GRM5: variants seen among roughly 807,000 people sequenced by gnomAD.
The protein encoded by GRM5 is glutamate metabotropic receptor 5, also known as metabotropic glutamate receptor 5.
Under a neutral mutation model 83.1 loss-of-function variants are expected in GRM5, and 19 were observed. The observed-to-expected ratio is 0.23, with a 90% CI of 0.16 to 0.34. GRM5 has a LOEUF of 0.34. GRM5 is among the 10% of genes least tolerant of loss of function. GRM5 has a pLI of 1.00. For missense variants in GRM5, 1,160 were observed against 1,588.3 expected, an observed-to-expected ratio of 0.73 and a Z score of 4.58; for synonymous variants, 675 against 633.6, an observed-to-expected ratio of 1.07 and a Z score of -0.98.
intron 2 of GRM5, among the ~76,000 whole-genome samples, chr11:88,900,278 A>G (rs1441879630): frequency 3.3e-5 from 5 of 152,284 alleles, no homozygotes; most frequent in East Asian, 1.9e-4. Context: ...TCTGCTTTCT[A>G]ACATTAGTTG....
intron 3 of GRM5, 85 bp from the exon 4 acceptor site, chr11:88,653,488 G>C: frequency 1.2e-6 from 1 of 822,178 alleles, no homozygotes; most frequent in Non-Finnish European, 2.0e-6. Context: ...GACAAGATTA[G>C]TCATTAAATG....
At chr11:88,745,986 A>T (rs1391159943) in intron 3 of GRM5, among the ~76,000 whole-genome samples, 3 of 152,172 alleles carry the variant, frequency 2.0e-5, no homozygotes, top group Admixed American at 6.5e-5. Context: ...CACATATCTC[A>T]GAAGCTTGAG....
chr11:88,527,671 C>T (rs1029769181), intron 8 of GRM5, among the ~76,000 whole-genome samples: 3 of 152,114 alleles, frequency 2.0e-5, no homozygotes, highest in African/African-American at 7.2e-5. Context: ...TTCACTATAA[C>T]AAAGTCATGG....
intron 3 of GRM5, among the ~76,000 whole-genome samples, chr11:88,661,604 G>C (rs537428074): frequency 6.6e-6 from 1 of 152,226 alleles, no homozygotes; most frequent in African/African-American, 2.4e-5. Flanking sequence ...AATAGTGGGA[G>C]TCTACGGACT....
intron 3 of GRM5, among the ~76,000 whole-genome samples, chr11:88,676,287 T>C (rs1940326017): frequency 6.6e-6 from 1 of 151,998 alleles, no homozygotes; most frequent in South Asian, 2.1e-4. Flanking sequence ...TCAAAGGACA[T>C]TATTTATTCA....
chr11:88,823,865 G>A (rs1423605711), intron 3 of GRM5, among the ~76,000 whole-genome samples: 1 of 152,080 alleles, frequency 6.6e-6, no homozygotes, highest in Non-Finnish European at 1.5e-5. Flanking sequence ...CTCTGGATAC[G>A]TTTCAACTCT....
At chr11:88,722,899 C>G (rs1188298178) in intron 3 of GRM5, among the ~76,000 whole-genome samples, 1 of 151,862 alleles carries the variant, frequency 6.6e-6, no homozygotes, top group African/African-American at 2.4e-5. Flanking sequence ...CTTTAGGGTT[C>G]ACTCTGTGTT....
chr11:88,641,721 A>G (rs1476709713), intron 4 of GRM5, among the ~76,000 whole-genome samples: 2 of 152,196 alleles, frequency 1.3e-5, no homozygotes, highest in East Asian at 3.9e-4. Context: ...CTCCAAAATA[A>G]TCTCTCTTGC....
At position 88,604,786 on chromosome 11, in the gene GRM5, C is replaced by T; in HGVS notation, c.1326G>A (p.Met442Ile). 4.3e-6 allele frequency: 7 copies of T among 1,613,146 alleles called. No individual in the cohort carries two copies. Among genetic ancestry groups the T allele is most frequent in the Non-Finnish European group, 5.9e-6 (7 of 1,179,142 alleles). The change falls in exon 5 of 10, where the codon ATG becomes ATA. Residue 442 changes from methionine to isoleucine, a missense_variant. Coordinates refer to ENST00000305447, the MANE Select transcript of GRM5 (RefSeq NM_001143831.3). ...CAGAAACCCCAGTAAAATTGGTTTTCATCAGGGACTCCAAAAGTTTCCGTC... is the reference window on the plus strand; with the variant it reads ...CAGAAACCCCAGTAAAATTGGTTTTTATCAGGGACTCCAAAAGTTTCCGTC... ...IDGRKLLESL[M>I]KTNFTGVSGD...
chr11:88,923,607 G>A (rs1048453671), intron 2 of GRM5, among the ~76,000 whole-genome samples: 12 of 152,006 alleles, frequency 7.9e-5, no homozygotes, highest in African/African-American at 2.9e-4. Flanking sequence ...AATATAGTTA[G>A]ATAGAATGAA....
chr11:88,626,906 A>G (rs1297669289), intron 4 of GRM5, among the ~76,000 whole-genome samples: 1 of 152,168 alleles, frequency 6.6e-6, no homozygotes, highest in Non-Finnish European at 1.5e-5. Flanking sequence ...AGGCTGGAAA[A>G]TGAGGCTTCA....
chr11:88,859,076 C>T (rs7941824), intron 2 of GRM5, among the ~76,000 whole-genome samples: 66,258 of 151,730 alleles, frequency 0.44, 14,744 homozygotes, highest in African/African-American at 0.5. Context: ...TGTTTTTACA[C>T]TCTTTTTTTT....
At chr11:88,880,466 A>G (rs1049748294) in intron 2 of GRM5, among the ~76,000 whole-genome samples, 2 of 152,190 alleles carry the variant, frequency 1.3e-5, no homozygotes, top group African/African-American at 4.8e-5. Flanking sequence ...GCATAGTTCT[A>G]TATAAGAATA....
At chr11:88,534,594 G>A (rs1479513772) in intron 8 of GRM5, among the ~76,000 whole-genome samples, 1 of 152,190 alleles carries the variant, frequency 6.6e-6, no homozygotes, top group East Asian at 1.9e-4. Flanking sequence ...CAAGCACATA[G>A]GTGGAAAGGA....
At chr11:88,904,470 A>T (rs1026095417) in intron 2 of GRM5, among the ~76,000 whole-genome samples, 9 of 152,198 alleles carry the variant, frequency 5.9e-5, no homozygotes, top group African/African-American at 2.2e-4. Context: ...TCTAGCCAAG[A>T]GCAAATGAAC....
intron 3 of GRM5, among the ~76,000 whole-genome samples, chr11:88,812,918 CTCTG>C (rs1458555774): frequency 6.6e-6 from 1 of 152,114 alleles, no homozygotes; most frequent in Non-Finnish European, 1.5e-5. Flanking sequence ...GCCTCTCAAT[CTCTG>C]TCTATGCTTG....
At chr11:88,969,917 A>G (rs1340045821) in intron 2 of GRM5, among the ~76,000 whole-genome samples, 1 of 152,052 alleles carries the variant, frequency 6.6e-6, no homozygotes, top group Non-Finnish European at 1.5e-5. Flanking sequence ...CCACTGCCTC[A>G]TTTGCCGTAC....
At chr11:88,826,115 G>A (rs903112006) in intron 3 of GRM5, among the ~76,000 whole-genome samples, 1 of 152,146 alleles carries the variant, frequency 6.6e-6, no homozygotes, top group Non-Finnish European at 1.5e-5. Context: ...GGGAGGTCTT[G>A]AATGGTAGTT....
chr11:88,709,066 G>A (rs1235614830), intron 3 of GRM5, among the ~76,000 whole-genome samples: 2 of 151,888 alleles, frequency 1.3e-5, no homozygotes, highest in African/African-American at 4.8e-5. Flanking sequence ...ATGCCATCTT[G>A]TAAAGATGAA....
Sources: allele counts gnomAD v4.1 joint callset (sites outside exome capture counted in the v4.1 genomes callset), GRCh38; gene constraint gnomAD v4.1.1; transcripts MANE v1.5; gene names NCBI Gene and HGNC (gene_info 2026-07-23, HGNC 2026-07-21).